Variants in SPAG6 observed in about 807,000 individuals in gnomAD.
The protein encoded by SPAG6 is sperm associated antigen 6, also known as sperm-associated antigen 6.
SPAG6 carries 49 observed loss-of-function variants against 58.5 expected under a neutral mutation model. The ratio of observed to expected loss-of-function variants is 0.84; its 90% CI spans 0.67 to 1.06. The LOEUF (loss-of-function observed/expected upper bound fraction) is 1.06, where lower values mean the gene tolerates loss of function less well. SPAG6 is among the 50% of genes least tolerant of loss of function. The pLI is 0.00. For synonymous variants in SPAG6, 233 were observed against 225.6 expected (o/e 1.03, Z -0.29); for missense variants, 560 against 611.3 (o/e 0.92, Z 0.89).
At chr10:22,373,961 A>C (rs1474034503) in intron 4 of SPAG6, among the ~76,000 whole-genome samples, 5 of 152,202 alleles carry the variant, frequency 3.3e-5, no homozygotes, top group Admixed American at 1.3e-4. Flanking sequence ...ATTTTAATTA[A>C]TTATAACCTT....
intron 4 of SPAG6, among the ~76,000 whole-genome samples, chr10:22,385,681 T>C (rs1044440024): frequency 4.6e-5 from 7 of 152,200 alleles, no homozygotes; most frequent in Non-Finnish European, 7.4e-5. Context: ...CTGTATTTGC[T>C]AACATTTTCT....
intron 9 of SPAG6, among the ~76,000 whole-genome samples, chr10:22,407,399 C>T (rs1394658270): frequency 2.6e-5 from 4 of 151,146 alleles, no homozygotes; most frequent in Non-Finnish European, 5.9e-5. Context: ...ACTTATGAAG[C>T]TTAGTTTGGC....
chr10:22,349,737 A>C (rs1174930893), intron 2 of SPAG6, among the ~76,000 whole-genome samples: 1 of 152,230 alleles, frequency 6.6e-6, no homozygotes, highest in Admixed American at 6.5e-5. Flanking sequence ...TTTTCAGAAG[A>C]GTAGGAATAA....
Position 22,378,364 on chromosome 10 carries a change from A to C in SPAG6, c.473-8390A>C, listed in dbSNP as rs140558341. Among the ~76,000 whole-genome samples the C allele has an allele frequency of 3.6e-3, 548 of 150,744 alleles. 3 individuals carry two copies. Among genetic ancestry groups the C allele is most frequent in the African/African-American group, 0.013 (531 of 41,126 alleles). On this transcript the variant is annotated intron_variant, in intron 4 of 10. Coordinates refer to ENST00000376624, the MANE Select transcript of SPAG6 (RefSeq NM_012443.4). ...CAGGCGTGAGCCAGTGCGTCTGGCC[A>C]TGAGTACAGATTTCTTACATGCATA...
At chr10:22,371,474 GA>G (rs1232522830) in intron 4 of SPAG6, among the ~76,000 whole-genome samples, 1 of 151,986 alleles carries the variant, frequency 6.6e-6, no homozygotes, top group African/African-American at 2.4e-5. Flanking sequence ...GGCTGGTCTC[GA>G]ACTCCTCACC....
chr10:22,401,077 A>C, intron 8 of SPAG6, 84 bp from the exon 9 acceptor site: 1 of 718,050 alleles, frequency 1.4e-6, no homozygotes, highest in Admixed American at 2.4e-5. Flanking sequence ...TTTTATTTTG[A>C]AATTCCAGGA....
Position 22,345,676 on chromosome 10 carries a change from C to G in SPAG6, c.25+40C>G. ...GGCAGGTGCCCTAACTAGCTGGCGCCGAGGAGACCCGGGTGCGGTGGGCTC... is the reference window on the plus strand; with the variant it reads ...GGCAGGTGCCCTAACTAGCTGGCGCGGAGGAGACCCGGGTGCGGTGGGCTC... On this transcript the variant is annotated intron_variant, in intron 1 of 10. Coordinates refer to ENST00000376624, the MANE Select transcript of SPAG6 (RefSeq NM_012443.4). This position sits in a 1 kb window ranked among gnomAD's most constrained non-coding sequence, Gnocchi z 6.3. The G allele has an allele frequency of 6.3e-7, 1 of 1,580,842 alleles. No homozygotes were observed. The highest frequency in any genetic ancestry group is 8.6e-7 in the Non-Finnish European group (1 of 1,164,462).
chr10:22,360,880 T>G, intron 2 of SPAG6: 3 of 1,384,864 alleles, frequency 2.2e-6, no homozygotes, highest in Non-Finnish European at 3.0e-6. Flanking sequence ...AAGAAAAATT[T>G]CTTTTTATTT....
At position 22,401,287 on chromosome 10, in the gene SPAG6, G is replaced by A. The variant is rs1437471251; in HGVS notation, c.1314+10G>A. 7.8e-7 allele frequency: 1 copy of A among 1,288,522 alleles called. No homozygotes were observed. Among genetic ancestry groups the A allele is most frequent in the South Asian group, 1.2e-5 (1 of 82,584 alleles). The allele number at this position is 1,288,522 out of a possible 1,614,324, so 79.8% of individuals were successfully genotyped here. On this transcript the variant is annotated intron_variant, in intron 9 of 10. Coordinates refer to ENST00000376624, the MANE Select transcript of SPAG6 (RefSeq NM_012443.4). ...TGGACAGTTCAGTAAGGTAAGAAATGCCAGCCTCTAAGGGGAGGAAGAAAA... is the reference window on the plus strand; with the variant it reads ...TGGACAGTTCAGTAAGGTAAGAAATACCAGCCTCTAAGGGGAGGAAGAAAA...
chr10:22,346,152 A>G (rs1588627699), intron 2 of SPAG6: 8 of 1,301,426 alleles, frequency 6.1e-6, no homozygotes, highest in South Asian at 4.1e-5. Flanking sequence ...GCCATTTTGC[A>G]TGCCACCCTG....
At chr10:22,380,237 A>G (rs932611940) in intron 4 of SPAG6, among the ~76,000 whole-genome samples, 3 of 152,198 alleles carry the variant, frequency 2.0e-5, no homozygotes, top group African/African-American at 7.2e-5. Flanking sequence ...GGGATGAGGA[A>G]TTATTATTAA....
intron 9 of SPAG6, among the ~76,000 whole-genome samples, chr10:22,407,533 G>T (rs1048662880): frequency 1.1e-4 from 16 of 152,138 alleles, no homozygotes; most frequent in Admixed American, 1.0e-3. Context: ...GCTTCCCTTT[G>T]TGGGTAACCT....
At chr10:22,395,306 T>C (rs7907844) in intron 8 of SPAG6, among the ~76,000 whole-genome samples, 23,695 of 152,130 alleles carry the variant, frequency 0.16, 5,491 homozygotes, top group African/African-American at 0.51. Flanking sequence ...CTGTTTAACA[T>C]CTCGAGAAAC....
At chr10:22,408,862 G>A (rs1486029922) in intron 9 of SPAG6, among the ~76,000 whole-genome samples, 1 of 152,222 alleles carries the variant, frequency 6.6e-6, no homozygotes. Flanking sequence ...AAGCCGATTG[G>A]AAAAGCACAG....
chr10:22,386,096 GA>G (rs1365286283), intron 4 of SPAG6, among the ~76,000 whole-genome samples: 2 of 152,124 alleles, frequency 1.3e-5, no homozygotes, highest in African/African-American at 4.8e-5. Flanking sequence ...ATATGTACTT[GA>G]TTTCTGACAA....
At chr10:22,360,949 A>T in intron 2 of SPAG6, 1 of 761,716 alleles carries the variant, frequency 1.3e-6, no homozygotes, top group Non-Finnish European at 2.2e-6. Flanking sequence ...TTGCATATTT[A>T]TCTGTAGTTT....
chr10:22,386,948 G>A lies in SPAG6; in HGVS notation c.667G>A (p.Ala223Thr), dbSNP rs762637153. The A allele has an allele frequency of 1.2e-6, 2 of 1,612,720 alleles. No homozygotes were observed. The highest frequency in any genetic ancestry group is 2.2e-5 in the East Asian group (1 of 44,896). The change falls in exon 5 of 11, where the codon GCT (alanine) becomes ACT (threonine). Residue 223 changes from alanine to threonine, a missense_variant. By Grantham distance (58) the Ala-to-Thr change is moderately conservative (BLOSUM62 0). Coordinates refer to ENST00000376624, the MANE Select transcript of SPAG6 (RefSeq NM_012443.4). ...HLAQMILNPDAKLKHQILSAL... is the reference protein window; with the variant it reads ...HLAQMILNPDTKLKHQILSAL... Reference sequence around the variant, plus strand: ...AGCCCAGATGATCCTGAACCCTGATGCTAAATTGAAGGTATTTCAAAATAA... The same window carrying A: ...AGCCCAGATGATCCTGAACCCTGATACTAAATTGAAGGTATTTCAAAATAA...
At chr10:22,346,820 A>G (rs966871241) in intron 2 of SPAG6, among the ~76,000 whole-genome samples, 1 of 152,144 alleles carries the variant, frequency 6.6e-6, no homozygotes, top group East Asian at 1.9e-4. Context: ...GGGGGCATGT[A>G]TTTACAATAA....
intron 9 of SPAG6, among the ~76,000 whole-genome samples, chr10:22,409,347 C>A (rs947426652): frequency 6.6e-6 from 1 of 152,186 alleles, no homozygotes. Context: ...CTAGTGCAAT[C>A]TTCTGTTGTC....
Sources: allele counts gnomAD v4.1 joint callset (sites outside exome capture counted in the v4.1 genomes callset), GRCh38; gene constraint gnomAD v4.1.1; non-coding constraint Gnocchi (gnomAD v3.1); transcripts MANE v1.5; gene names NCBI Gene and HGNC (gene_info 2026-07-23, HGNC 2026-07-21).